ZEB2: variants seen among roughly 807,000 people sequenced by gnomAD.
ZEB2 encodes zinc finger E-box binding homeobox 2, also known as zinc finger E-box-binding homeobox 2.
ZEB2 carries 6 observed loss-of-function variants against 99.9 expected under a neutral mutation model. The ratio of observed to expected loss-of-function variants is 0.06; its 90% CI spans 0.03 to 0.12. ZEB2 has a LOEUF of 0.12. Among genes scored for constraint, ZEB2 ranks in the 10% least tolerant of loss-of-function variants. ZEB2 has a pLI of 1.00. For synonymous variants in ZEB2, 517 were observed against 542.5 expected, an observed-to-expected ratio of 0.95 and a Z score of 0.65; for missense variants, 969 against 1,502.8, an observed-to-expected ratio of 0.64 and a Z score of 5.87.
Position 144,466,424 on chromosome 2 carries a change from T to G in ZEB2, c.74-36398A>C, listed in dbSNP as rs1176107959. Among the ~76,000 whole-genome samples, 3 of 152,144 alleles carry G rather than the reference T, an allele frequency of 2.0e-5. No homozygotes were observed. In the East Asian group the frequency reaches 5.8e-4, roughly 29 times the overall value. On this transcript the variant is annotated intron_variant, in intron 2 of 9. Coordinates refer to ENST00000627532, the MANE Select transcript of ZEB2 (RefSeq NM_014795.4). ...AGTGAGAACACATTTTAAGCTTTCT[T>G]TATATGAAAAACGAATACTCAACAA...
chr2:144,452,506 A>G (rs548516046), intron 2 of ZEB2, among the ~76,000 whole-genome samples: 1 of 152,362 alleles, frequency 6.6e-6, no homozygotes, highest in Non-Finnish European at 1.5e-5. Flanking sequence ...CTGGTTTTAG[A>G]ACATTTCAGC....
intron 2 of ZEB2, 39 bp downstream of exon 2, chr2:144,517,239 G>GT (rs1705169301): frequency 6.2e-7 from 1 of 1,611,946 alleles, no homozygotes; most frequent in African/African-American, 1.3e-5. Context: ...CTCGAGCCGC[G>GT]TAGTGGCCCG....
chr2:144,390,930 A>G (rs1460576357), intron 9 of ZEB2, among the ~76,000 whole-genome samples: 1 of 151,884 alleles, frequency 6.6e-6, no homozygotes, highest in Non-Finnish European at 1.5e-5. Flanking sequence ...TAGAACTGAT[A>G]AAAAAAAATT....
intron 1 of ZEB2, chr2:144,518,863 T>C (rs1705216373): frequency 6.6e-6 from 1 of 152,176 alleles, no homozygotes; most frequent in Admixed American, 6.5e-5. Flanking sequence ...TTTAATAAAG[T>C]AAGTTGCTAG....
At chr2:144,503,790 AT>A (rs1704908849) in intron 2 of ZEB2, 1 of 152,180 alleles carries the variant, frequency 6.6e-6, no homozygotes, top group Non-Finnish European at 1.5e-5. Context: ...AGGTTTTGCC[AT>A]GTTTTTTGAC....
chr2:144,510,366 C>A (rs1187998528), intron 2 of ZEB2, among the ~76,000 whole-genome samples: 1 of 151,224 alleles, frequency 6.6e-6, no homozygotes, highest in Non-Finnish European at 1.5e-5. Flanking sequence ...ACCCCCAGGG[C>A]CCTCACCTCT....
chr2:144,431,271 T>G (rs1703766584), intron 2 of ZEB2, among the ~76,000 whole-genome samples: 1 of 152,200 alleles, frequency 6.6e-6, no homozygotes, highest in African/African-American at 2.4e-5. Flanking sequence ...TGAAAAGGAT[T>G]GTGTGTCAGG....
chr2:144,494,921 G>C (rs1376243483), intron 2 of ZEB2: 2 of 151,656 alleles, frequency 1.3e-5, no homozygotes, highest in African/African-American at 4.9e-5. Flanking sequence ...CCTTTACTCA[G>C]AAAAAGAAAA....
chr2:144,459,122 T>A (rs144827796), intron 2 of ZEB2, among the ~76,000 whole-genome samples: 2 of 152,292 alleles, frequency 1.3e-5, no homozygotes, highest in Non-Finnish European at 2.9e-5. Flanking sequence ...TCTATAAAGC[T>A]ACTATAACCC....
chr2:144,423,054 AC>A (rs931534289), intron 4 of ZEB2, among the ~76,000 whole-genome samples: 18 of 152,344 alleles, frequency 1.2e-4, no homozygotes, highest in African/African-American at 3.8e-4. Flanking sequence ...TTGACTGAAT[AC>A]ATATGAACTA....
chr2:144,452,044 C>G (rs1260965069), intron 2 of ZEB2, among the ~76,000 whole-genome samples: 1 of 152,154 alleles, frequency 6.6e-6, no homozygotes, highest in Admixed American at 6.5e-5. Context: ...GCAAACCCCC[C>G]TTTGACATAT....
In ZEB2 at chr2:144,386,064, A is replaced by T. The variant is rs76729334; in HGVS notation, c.*3387T>A. The T allele has an allele frequency of 6.6e-6, 1 of 152,310 alleles. No individual in the cohort carries two copies. Among genetic ancestry groups the T allele is most frequent in the Non-Finnish European group, 1.5e-5 (1 of 68,014 alleles). 9.4% of individuals were successfully genotyped at this position (152,310 alleles called of 1,614,324 possible). A position where few individuals can be genotyped will look rare whatever the true frequency, so the allele number is the denominator to read the frequency against. ...ATGTGAAGAAAAAAGAAAAGATTGC[A>T]CAGATATGCTAGAATACAAAAGGCT... On this transcript the variant is annotated 3_prime_UTR_variant, in exon 10 of 10. Transcript: ENST00000627532.
At chr2:144,477,789 G>C (rs1273480472) in intron 2 of ZEB2, among the ~76,000 whole-genome samples, 1 of 152,220 alleles carries the variant, frequency 6.6e-6, no homozygotes, top group Non-Finnish European at 1.5e-5. Flanking sequence ...TGTAAAATGA[G>C]AGAGACTTAT....
chr2:144,517,586 G>T (rs1705180445), intron 1 of ZEB2, 167 bp from the exon 2 acceptor site: 1 of 661,424 alleles, frequency 1.5e-6, no homozygotes. Flanking sequence ...CCCAGCCTTG[G>T]CCCCGAGGCG....
intron 2 of ZEB2, among the ~76,000 whole-genome samples, chr2:144,456,357 G>C (rs1047941925): frequency 6.6e-6 from 1 of 152,138 alleles, no homozygotes; most frequent in African/African-American, 2.4e-5. Context: ...AGCTCCTATC[G>C]TAAGCAGACA....
chr2:144,389,174 C>T lies in ZEB2; in HGVS notation c.*277G>A, dbSNP rs1327386805. The T allele has an allele frequency of 3.4e-6, 2 of 582,638 alleles. No homozygotes were observed. The highest frequency in any genetic ancestry group is 1.9e-5 in the African/African-American group (1 of 53,482). 36.1% of individuals were successfully genotyped at this position (582,638 alleles called of 1,614,324 possible). A position where few individuals can be genotyped will look rare whatever the true frequency, so the allele number is the denominator to read the frequency against. ...CAATTCTTACAATTTTCTAGTTGTGCTTAAAGTATAAATGCTATTAAACAC... is the reference window on the plus strand; with the variant it reads ...CAATTCTTACAATTTTCTAGTTGTGTTTAAAGTATAAATGCTATTAAACAC... On this transcript the variant is annotated 3_prime_UTR_variant, in exon 10 of 10. Transcript: ENST00000627532. The surrounding 1 kb of genome is among the most constrained non-coding windows in gnomAD (Gnocchi z 6.8).
chr2:144,441,229 G>A (rs1490988169), intron 2 of ZEB2, among the ~76,000 whole-genome samples: 1 of 138,498 alleles, frequency 7.2e-6, no homozygotes, highest in Non-Finnish European at 1.5e-5. Context: ...TCCCTAGTAT[G>A]CTTCAACTGC....
In ZEB2 at chr2:144,483,150, A is replaced by ACACACACACACGCG. The variant is rs1553968391; in HGVS notation, c.73+34127_73+34128insCGCGTGTGTGTGTG. On this transcript the variant is annotated intron_variant, in intron 2 of 9. Transcript: ENST00000627532. The stretch of plus-strand genomic sequence containing the variant: ...CACACACACACACACACACACACAC[A>ACACACACACACGCG]CACACACACACACATACCCTAAGAC... Among the ~76,000 whole-genome samples the ACACACACACACGCG allele has an allele frequency of 6.0e-3, 892 of 149,656 alleles. 13 individuals are homozygous for ACACACACACACGCG. The highest frequency in any genetic ancestry group is 0.01 in the Middle Eastern group (3 of 292).
At chr2:144,487,143 T>C (rs1704610102) in intron 2 of ZEB2, among the ~76,000 whole-genome samples, 1 of 152,170 alleles carries the variant, frequency 6.6e-6, no homozygotes, top group African/African-American at 2.4e-5. Context: ...GATGTTTTTA[T>C]CTCTCTGCTT....
Sources: allele counts gnomAD v4.1 joint callset (sites outside exome capture counted in the v4.1 genomes callset), GRCh38; gene constraint gnomAD v4.1.1; non-coding constraint Gnocchi (gnomAD v3.1); transcripts MANE v1.5; gene names NCBI Gene and HGNC (gene_info 2026-07-23, HGNC 2026-07-21).